The following PVT1 variants were observed in gnomAD, a reference collection of about 807,000 sequenced individuals.
PVT1 encodes Pvt1 oncogene.
chr8:128,055,123 C>A (rs1162353533), intron 4 of PVT1, among the ~76,000 whole-genome samples: 1 of 152,190 alleles, frequency 6.6e-6, no homozygotes, highest in African/African-American at 2.4e-5. Flanking sequence ...TTGTGTGAGT[C>A]AATTCCTTAT....
chr8:127,841,896 C>T (rs7844518), intron 2 of PVT1, among the ~76,000 whole-genome samples: 97,404 of 151,732 alleles, frequency 0.64, 31,631 homozygotes, highest in African/African-American at 0.72. Flanking sequence ...CAGCTAATTT[C>T]TGTCTTTTTA....
chr8:127,835,377 AGAAGTGG>A (rs200492751), intron 2 of PVT1, among the ~76,000 whole-genome samples: 5,047 of 151,706 alleles, frequency 0.033, 109 homozygotes, highest in Middle Eastern at 0.048. Context: ...GTTCTCATTC[AGAAGTGG>A]GAGTTGAACA....
chr8:127,987,974 G>A (rs1182009082), intron 3 of PVT1, among the ~76,000 whole-genome samples: 2 of 152,210 alleles, frequency 1.3e-5, no homozygotes, highest in Non-Finnish European at 2.9e-5. Context: ...GACTCTGAGT[G>A]CAGGATGCGT....
At chr8:127,865,972 C>A (rs1815282462) in intron 2 of PVT1, among the ~76,000 whole-genome samples, 1 of 152,178 alleles carries the variant, frequency 6.6e-6, no homozygotes, top group Admixed American at 6.5e-5. Context: ...CTTAAGTAGG[C>A]AGGGTTTGCA....
At chr8:127,883,008 C>CGCACACATATGCCT (rs1815485969) in intron 2 of PVT1, among the ~76,000 whole-genome samples, 1 of 151,856 alleles carries the variant, frequency 6.6e-6, no homozygotes, top group Admixed American at 6.6e-5. Flanking sequence ...TGCACATACA[C>CGCACACATATGCCT]GCACACACAT....
intron 4 of PVT1, among the ~76,000 whole-genome samples, chr8:128,031,623 A>T (rs1031335421): frequency 2.0e-5 from 3 of 152,208 alleles, no homozygotes; most frequent in Non-Finnish European, 4.4e-5. Context: ...GTGTGTGTGC[A>T]TCTGATAATG....
chr8:127,987,221 C>T (rs1207798121), intron 3 of PVT1, among the ~76,000 whole-genome samples: 5 of 152,240 alleles, frequency 3.3e-5, no homozygotes, highest in African/African-American at 9.6e-5. Flanking sequence ...TGGTAGTTTA[C>T]AGACTGCCTC....
At chr8:128,041,880 T>G (rs1813550165) in intron 4 of PVT1, among the ~76,000 whole-genome samples, 1 of 152,194 alleles carries the variant, frequency 6.6e-6, no homozygotes, top group South Asian at 2.1e-4. Context: ...ATGGGCCACC[T>G]ATGTATTTGA....
chr8:127,807,507 G>C (rs779440431), intron 2 of PVT1, among the ~76,000 whole-genome samples: 1 of 151,176 alleles, frequency 6.6e-6, no homozygotes, highest in African/African-American at 2.4e-5. Flanking sequence ...ATTTTTTGTA[G>C]AGATGAGATC....
At chr8:127,920,022 C>A (rs949733998) in intron 3 of PVT1, among the ~76,000 whole-genome samples, 1 of 152,196 alleles carries the variant, frequency 6.6e-6, no homozygotes, top group African/African-American at 2.4e-5. Flanking sequence ...AGCCTCTCCT[C>A]TTGTCCCCAA....
intron 4 of PVT1, among the ~76,000 whole-genome samples, chr8:128,021,949 T>G (rs144798005): frequency 1.4e-3 from 218 of 152,226 alleles, no homozygotes; most frequent in African/African-American, 5.1e-3. Context: ...CTATTTGGGA[T>G]GCTGAGGCAT....
intron 2 of PVT1, among the ~76,000 whole-genome samples, chr8:127,801,942 A>G (rs1166208293): frequency 6.6e-6 from 1 of 151,532 alleles, no homozygotes; most frequent in Non-Finnish European, 1.5e-5. Flanking sequence ...ACTGAGACAG[A>G]GTCTCACCTG....
intron 3 of PVT1, among the ~76,000 whole-genome samples, chr8:127,911,722 C>T (rs1815900697): frequency 1.3e-5 from 2 of 152,248 alleles, no homozygotes. Flanking sequence ...TGTCTAATAG[C>T]ATGCGTGCCC....
chr8:127,878,484 C>G (rs961053550), intron 2 of PVT1, among the ~76,000 whole-genome samples: 1 of 152,192 alleles, frequency 6.6e-6, no homozygotes, highest in African/African-American at 2.4e-5. Flanking sequence ...AATTCTCCCC[C>G]TAGCCTGTTT....
intron 5 of PVT1, among the ~76,000 whole-genome samples, chr8:128,088,183 C>T (rs1272236980): frequency 6.6e-6 from 1 of 152,148 alleles, no homozygotes; most frequent in East Asian, 1.9e-4. Context: ...CAAGCCTCAC[C>T]CCATACCTGG....
At chr8:127,925,173 AG>A (rs1816114303) in intron 3 of PVT1, among the ~76,000 whole-genome samples, 1 of 152,148 alleles carries the variant, frequency 6.6e-6, no homozygotes, top group Non-Finnish European at 1.5e-5. Context: ...AATGTTTTCA[AG>A]GTTTATCTGT....
At chr8:127,922,680 C>T (rs1415050490) in intron 3 of PVT1, among the ~76,000 whole-genome samples, 1 of 152,234 alleles carries the variant, frequency 6.6e-6, no homozygotes, top group Non-Finnish European at 1.5e-5. Flanking sequence ...CCCCACTCTA[C>T]TGCCAACACA....
chr8:127,878,436 A>G (rs1426257843), intron 2 of PVT1, among the ~76,000 whole-genome samples: 1 of 152,190 alleles, frequency 6.6e-6, no homozygotes, highest in African/African-American at 2.4e-5. Context: ...AAAGAACTGA[A>G]GCTTAAAGCT....
At chr8:127,984,649 C>G (rs907840025) in intron 3 of PVT1, among the ~76,000 whole-genome samples, 2 of 152,182 alleles carry the variant, frequency 1.3e-5, no homozygotes, top group South Asian at 2.1e-4. Flanking sequence ...CTCTGTCGCC[C>G]AGGCTGGAGT....
Sources: allele counts gnomAD v4.1 joint callset (sites outside exome capture counted in the v4.1 genomes callset), GRCh38; gene constraint gnomAD v4.1.1; transcripts MANE v1.5; gene names NCBI Gene and HGNC (gene_info 2026-07-23, HGNC 2026-07-21).